PDE1C: variants seen among roughly 807,000 people sequenced by gnomAD.
The protein encoded by PDE1C is phosphodiesterase 1C, also known as dual specificity calcium/calmodulin-dependent 3',5'-cyclic nucleotide phosphodiesterase 1C.
Under a neutral mutation model 93.1 loss-of-function variants are expected in PDE1C, and 62 were observed. The ratio of observed to expected loss-of-function variants is 0.67; its 90% CI spans 0.54 to 0.82. PDE1C has a LOEUF of 0.82. PDE1C is among the 40% of genes least tolerant of loss of function. The pLI is 0.00. For synonymous variants in PDE1C, 325 were observed against 310.1 expected, an observed-to-expected ratio of 1.05 and a Z score of -0.50; for missense variants, 742 against 884.6, an observed-to-expected ratio of 0.84 and a Z score of 2.04.
chr7:31,815,993 T>C lies in PDE1C; in HGVS notation c.1744A>G (p.Asn582Asp). The C allele has an allele frequency of 6.2e-7, 1 of 1,614,068 alleles. No homozygotes were observed. Among genetic ancestry groups the C allele is most frequent in the Non-Finnish European group, 8.5e-7 (1 of 1,179,928 alleles). The change falls in exon 15 of 18, where the codon AAC becomes GAC. Residue 582 changes from asparagine to aspartate, a missense_variant. Transcript: ENST00000396191. ...TTCCCACGAGGGTTGTCACTTTTGTTTGCCCGTGTTCCATTGACTTGATTC... is the reference window on the plus strand; with the variant it reads ...TTCCCACGAGGGTTGTCACTTTTGTCTGCCCGTGTTCCATTGACTTGATTC... ...TKNQVNGTRA[N>D]KSDNPRGKNS...
chr7:32,203,983 C>T (rs1315593859), intron 2 of PDE1C, among the ~76,000 whole-genome samples: 1 of 152,166 alleles, frequency 6.6e-6, no homozygotes, highest in East Asian at 1.9e-4. Flanking sequence ...CACTTGCTGG[C>T]TTCTCTGTGG....
Position 32,247,275 on chromosome 7 carries a change from C to T in PDE1C, c.86-37736G>A, listed in dbSNP as rs1013927393. The stretch of plus-strand genomic sequence containing the variant: ...TGGCCACAGACCAGGTCTTGGGAGC[C>T]TAGGGCTTCTTGGCCAAACTCAAAT... On this transcript the variant is annotated intron_variant, in intron 1 of 18. Coordinates refer to the PDE1C transcript ENST00000396193. Among the ~76,000 whole-genome samples, 6 of 121,962 alleles carry T rather than the reference C, an allele frequency of 4.9e-5. 1 individual carries two copies. The highest frequency in any genetic ancestry group is 1.9e-4 in the African/African-American group (6 of 32,148). 80.0% of individuals were successfully genotyped at this position (121,962 alleles called of 152,430 possible).
chr7:32,203,031 A>G, intron 2 of PDE1C, among the ~76,000 whole-genome samples: 1 of 151,868 alleles, frequency 6.6e-6, no homozygotes, highest in Non-Finnish European at 1.5e-5. Context: ...AACACCATCC[A>G]ATTCTGCATT....
intron 2 of PDE1C, among the ~76,000 whole-genome samples, chr7:31,979,750 T>C (rs1812136586): frequency 6.6e-6 from 1 of 152,202 alleles, no homozygotes; most frequent in Non-Finnish European, 1.5e-5. Flanking sequence ...CAAAGAATAA[T>C]GTACTTTTTT....
chr7:32,313,761 G>T (rs1783108056), intron 1 of PDE1C, among the ~76,000 whole-genome samples: 1 of 145,524 alleles, frequency 6.9e-6, no homozygotes, highest in African/African-American at 2.5e-5. Context: ...CATGAGGTGG[G>T]GGGGAGGGGG....
chr7:32,058,293 C>A (rs1427180037), intron 1 of PDE1C, among the ~76,000 whole-genome samples: 1 of 152,164 alleles, frequency 6.6e-6, no homozygotes, highest in African/African-American at 2.4e-5. Flanking sequence ...AAGCTTGGTT[C>A]TCAGCCCTCA....
chr7:32,379,619 T>C (rs1225679419), intron 1 of PDE1C, among the ~76,000 whole-genome samples: 3 of 152,288 alleles, frequency 2.0e-5, no homozygotes, highest in East Asian at 3.9e-4. Flanking sequence ...TGGCCCCTTT[T>C]AATACAAACA....
intron 2 of PDE1C, among the ~76,000 whole-genome samples, chr7:31,946,067 T>C (rs1248560292): frequency 6.6e-6 from 1 of 152,196 alleles, no homozygotes; most frequent in African/African-American, 2.4e-5. Context: ...CATCTATTAT[T>C]GCATGTTGTC....
intron 2 of PDE1C, among the ~76,000 whole-genome samples, chr7:32,043,913 G>A (rs1347970291): frequency 6.6e-6 from 1 of 152,158 alleles, no homozygotes; most frequent in Non-Finnish European, 1.5e-5. Context: ...TTGAAAGTAT[G>A]AGTCACAATC....
chr7:31,992,552 A>G (rs969212644), intron 2 of PDE1C, among the ~76,000 whole-genome samples: 2 of 152,210 alleles, frequency 1.3e-5, no homozygotes, highest in African/African-American at 2.4e-5. Context: ...GATGTGGTTC[A>G]TGTTGCATCC....
At chr7:32,007,760 A>T (rs1434054685) in intron 2 of PDE1C, among the ~76,000 whole-genome samples, 1 of 152,174 alleles carries the variant, frequency 6.6e-6, no homozygotes, top group African/African-American at 2.4e-5. Context: ...TTCTACCAGC[A>T]TGGAAACTCA....
intron 9 of PDE1C, among the ~76,000 whole-genome samples, chr7:31,838,683 C>T (rs1791427458): frequency 6.6e-6 from 1 of 152,100 alleles, no homozygotes. Context: ...TCGATTCACC[C>T]CTCTCTTTTT....
intron 2 of PDE1C, among the ~76,000 whole-genome samples, chr7:32,049,116 C>T (rs1792999097): frequency 6.6e-6 from 1 of 152,180 alleles, no homozygotes; most frequent in Non-Finnish European, 1.5e-5. Context: ...CTTTTTACTA[C>T]TCAAGACTAC....
intron 1 of PDE1C, among the ~76,000 whole-genome samples, chr7:32,250,082 A>G (rs918851081): frequency 4.6e-5 from 7 of 152,180 alleles, no homozygotes; most frequent in African/African-American, 1.7e-4. Flanking sequence ...ATAGCTCTGT[A>G]TTAAGACAAA....
chr7:31,654,017 CTT>C, the PDE1C span, among the ~76,000 whole-genome samples: 1 of 137,020 alleles, frequency 7.3e-6, no homozygotes, highest in Non-Finnish European at 1.5e-5. Context: ...GACAGATGGA[CTT>C]TCTACTCAGA....
At chr7:31,796,064 T>C (rs998207758) in intron 16 of PDE1C, among the ~76,000 whole-genome samples, 1 of 151,018 alleles carries the variant, frequency 6.6e-6, no homozygotes, top group African/African-American at 2.4e-5. Context: ...CTTATTGACT[T>C]TTTGTTTTCC....
Position 31,996,190 on chromosome 7 carries a change from G to A in PDE1C, c.128+55364C>T, listed in dbSNP as rs531213062. Among the ~76,000 whole-genome samples, 180 of 152,196 alleles carry A rather than the reference G, an allele frequency of 1.2e-3. 1 individual carries two copies. The highest frequency in any genetic ancestry group is 4.2e-3 in the African/African-American group (175 of 41,520). On this transcript the variant is annotated intron_variant, in intron 2 of 17. Transcript: ENST00000396191. ...GGTCTCCCTTGCAACAGAGCTTGGA[G>A]GGGCACACGAGGAAGAAACATCGTG...
chr7:32,199,428 C>T (rs1804851275), intron 2 of PDE1C, among the ~76,000 whole-genome samples: 1 of 152,094 alleles, frequency 6.6e-6, no homozygotes, highest in Admixed American at 6.5e-5. Flanking sequence ...GTGTGCTGGC[C>T]TTTCTCATTC....
chr7:31,907,620 A>C (rs1583902431), intron 2 of PDE1C, among the ~76,000 whole-genome samples: 1 of 152,166 alleles, frequency 6.6e-6, no homozygotes, highest in African/African-American at 2.4e-5. Context: ...TTGAAAGCAA[A>C]TGTATTGCAA....
Sources: gnomAD v4.1 joint callset for allele counts (sites outside exome capture counted in the v4.1 genomes callset) on GRCh38, gnomAD v4.1.1 for gene constraint, MANE v1.5 for transcripts, NCBI Gene and HGNC (gene_info 2026-07-23, HGNC 2026-07-21) for gene names.